Variants in AIF1 observed in about 807,000 individuals in gnomAD.
AIF1 encodes the protein allograft inflammatory factor 1, also known as interferon gamma responsive transcript.
AIF1 carries 21 observed loss-of-function variants against 20.6 expected under a neutral mutation model. The observed-to-expected ratio is 1.02, with a 90% confidence interval of 0.72 to 1.47. The LOEUF is 1.47. Ranked by LOEUF, AIF1 falls within the 40% of genes most tolerant of loss-of-function variation. The pLI, the probability that AIF1 is intolerant of heterozygous loss-of-function variation, is 0.00. For missense variants in AIF1, 161 were observed against 170.5 expected (o/e 0.94, Z 0.31); for synonymous variants, 52 against 65.8 (o/e 0.79, Z 1.01).
chr6:31,616,183 C>T lies in AIF1; in HGVS notation c.196+38C>T. The stretch of plus-strand genomic sequence containing the variant: ...TGATTTGCGGGGGCAGGGTGGTGTG[C>T]AGGCCTAAGAAGACAGAGGTCTCTC... On this transcript the variant is annotated intron_variant, in intron 4 of 5. Transcript: ENST00000376059. This position sits in a 1 kb window ranked among gnomAD's most constrained non-coding sequence, Gnocchi z 4.0. 1 of 1,612,916 alleles carries T rather than the reference C, an allele frequency of 6.2e-7. No homozygotes were observed. The highest frequency in any genetic ancestry group is 8.5e-7 in the Non-Finnish European group (1 of 1,179,766).
At position 31,616,452 on chromosome 6, in the gene AIF1, G is replaced by C. The variant is rs1774379054; in HGVS notation, c.305G>C (p.Ser102Thr). Residue 102 changes from serine to threonine, a missense_variant, in exon 5 of 6, where the codon AGC becomes ACC. Ser to Thr is a moderately conservative substitution (Grantham distance 58). Coordinates refer to ENST00000376059, the MANE Select transcript of AIF1 (RefSeq NM_001623.5). The surrounding 1 kb of genome is among the most constrained non-coding windows in gnomAD (Gnocchi z 4.0). ...TCCAGTGGCTCCGGGGAGACGTTCA[G>C]CTACCCTGACTTTCTCAGGATGATG... is the stretch of plus-strand genomic sequence containing the variant. The part of the protein sequence containing the change: ...EVSSGSGETF[S>T]YPDFLRMMLG... 2 of 1,612,890 alleles carry C rather than the reference G, an allele frequency of 1.2e-6. No homozygotes were observed. Among genetic ancestry groups the C allele is most frequent in the East Asian group, 2.2e-5 (1 of 44,888 alleles).
At position 31,615,708 on chromosome 6, in the gene AIF1, T is replaced by A; in HGVS notation, c.126T>A (p.Asp42Glu). The change falls in exon 3 of 6, where the codon GAT becomes GAA. Residue 42 changes from aspartate to glutamate, a missense_variant. Transcript: ENST00000376059. ...ATCCCAAATATAGCAGTGATGAGGA[T>A]CTGCCCTCCAAACTGGAAGGCTTCA... ...LDDPKYSSDE[D>E]LPSKLEGFKE... 6.2e-7 allele frequency: 1 copy of A among 1,611,970 alleles called. No individual in the cohort carries two copies. Among genetic ancestry groups the A allele is most frequent in the Non-Finnish European group, 8.5e-7 (1 of 1,179,318 alleles).
chr6:31,615,559 G>T lies in AIF1; in HGVS notation c.64G>T (p.Glu22Ter). Residue 22 changes from glutamate (E) to a stop codon, truncating the protein, a stop_gained, in exon 2 of 6, where the codon GAG becomes TAG. Coordinates refer to ENST00000376059, the MANE Select transcript of AIF1 (RefSeq NM_001623.5). LOFTEE classifies it high-confidence loss of function. ...CGGACTGCTGAAGGCCCAGCAGGAA[G>T]AGAGGCTGGATGAGATCAACAAGGT... ...AFGLLKAQQE[E>*]RLDEINKQFL... is the part of the protein sequence containing the mutation. 6.2e-7 allele frequency: 1 copy of T among 1,613,904 alleles called. No homozygotes were observed. Among genetic ancestry groups the T allele is most frequent in the Non-Finnish European group, 8.5e-7 (1 of 1,179,994 alleles).
chr6:31,616,616 C>T lies in AIF1; in HGVS notation c.359+110C>T, dbSNP rs1774397382. On this transcript the variant is annotated intron_variant, in intron 5 of 5. Transcript: ENST00000376059. The surrounding 1 kb of genome is among the most constrained non-coding windows in gnomAD (Gnocchi z 4.0). ...ACACGTTGCCCATCATCCCTTCTTC[C>T]ATCCTTAGAGGGACCCTTCCAAGGT... 1.3e-6 allele frequency: 2 copies of T among 1,503,664 alleles called. No individual in the cohort carries two copies. The highest frequency in any genetic ancestry group is 1.4e-5 in the African/African-American group (1 of 71,656). The allele number at this position is 1,503,664 out of a possible 1,614,324, so 93.1% of individuals were successfully genotyped here. A position where few individuals can be genotyped will look rare whatever the true frequency, so the allele number is the denominator to read the frequency against.
In AIF1 at chr6:31,616,227, A is replaced by G; in HGVS notation, c.196+82A>G. On this transcript the variant is annotated intron_variant, in intron 4 of 5. Coordinates refer to ENST00000376059, the MANE Select transcript of AIF1 (RefSeq NM_001623.5). This position sits in a 1 kb window ranked among gnomAD's most constrained non-coding sequence, Gnocchi z 4.0. ...GTCTCTCCTACATGCTCCATTCCTC[A>G]TGATTTGGGAGGGGGCCCACCTACC... 1 of 1,613,118 alleles carries G rather than the reference A, an allele frequency of 6.2e-7. No homozygotes were observed. Among genetic ancestry groups the G allele is most frequent in the South Asian group, 1.1e-5 (1 of 91,064 alleles).
intron 3 of AIF1, 170 bp downstream of exon 3, chr6:31,615,906 C>T: frequency 6.8e-7 from 1 of 1,479,286 alleles, no homozygotes; most frequent in Non-Finnish European, 9.0e-7. Context: ...CCCGGGCCTG[C>T]CTCTCTCAGC....
At position 31,616,913 on chromosome 6, in the gene AIF1, A is replaced by G; in HGVS notation, c.*13A>G. 6.2e-7 allele frequency: 1 copy of G among 1,614,190 alleles called. No homozygotes were observed. Among genetic ancestry groups the G allele is most frequent in the Non-Finnish European group, 8.5e-7 (1 of 1,180,010 alleles). On this transcript the variant is annotated 3_prime_UTR_variant, in exon 6 of 6. Transcript: ENST00000376059. This position sits in a 1 kb window ranked among gnomAD's most constrained non-coding sequence, Gnocchi z 4.0. Reference sequence around the variant, plus strand: ...TGAGTTGCCCTGATTTGAAGGGAAAAGGGATGATGGGATTGAAGGGGCTTC... The same window carrying G: ...TGAGTTGCCCTGATTTGAAGGGAAAGGGGATGATGGGATTGAAGGGGCTTC...
chr6:31,616,139 G>C lies in AIF1; in HGVS notation c.190G>C (p.Asp64His), dbSNP rs756309139. 35 of 1,607,702 alleles carry C rather than the reference G, an allele frequency of 2.2e-5. No individual in the cohort carries two copies. The highest frequency in any genetic ancestry group is 2.9e-5 in the Non-Finnish European group (34 of 1,176,836). The change falls in exon 4 of 6, where the codon GAT becomes CAT. Residue 64 changes from aspartate to histidine, a missense_variant. Asp to His is a moderately conservative substitution (Grantham distance 81). Coordinates refer to ENST00000376059, the MANE Select transcript of AIF1 (RefSeq NM_001623.5). The surrounding 1 kb of genome is among the most constrained non-coding windows in gnomAD (Gnocchi z 4.0). ...YMEFDLNGNGDIDIMSLKRML... is the reference protein window; with the variant it reads ...YMEFDLNGNGHIDIMSLKRML... ...GGAGTTTGACCTTAATGGAAATGGC[G>C]ATATTGGTGAGAAACGGGTGATTTG...
Position 31,615,525 on chromosome 6 carries a change from A to G in AIF1, c.30A>G (p.Gly10=). Residue 10 remains glycine, a synonymous_variant, in exon 2 of 6, where the codon GGA becomes GGG. Transcript: ENST00000376059. ...TTAATTTTTTTCACCCCACAGGAGG[A>G]AAAGCTTTCGGACTGCTGAAGGCCC... is the stretch of plus-strand genomic sequence containing the variant. MSQTRDLQG[G]KAFGLLKAQQ... The G allele has an allele frequency of 6.2e-7, 1 of 1,613,728 alleles. No individual in the cohort carries two copies. Among genetic ancestry groups the G allele is most frequent in the Middle Eastern group, 1.7e-4 (1 of 5,918 alleles).
chr6:31,616,902 T>A lies in AIF1; in HGVS notation c.*2T>A. The A allele has an allele frequency of 6.2e-7, 1 of 1,614,060 alleles. No individual in the cohort carries two copies. The highest frequency in any genetic ancestry group is 8.5e-7 in the Non-Finnish European group (1 of 1,180,004). ...AAAGCTATCTCTGAGTTGCCCTGAT[T>A]TGAAGGGAAAAGGGATGATGGGATT... On this transcript the variant is annotated 3_prime_UTR_variant, in exon 6 of 6. Transcript: ENST00000376059. This position sits in a 1 kb window ranked among gnomAD's most constrained non-coding sequence, Gnocchi z 4.0.
At position 31,616,712 on chromosome 6, in the gene AIF1, C is replaced by T; in HGVS notation, c.360-104C>T. On this transcript the variant is annotated intron_variant, in intron 5 of 5. Transcript: ENST00000376059. This position sits in a 1 kb window ranked among gnomAD's most constrained non-coding sequence, Gnocchi z 4.0. The stretch of plus-strand genomic sequence containing the variant: ...CCCCTGCCCTTCCTCTTCCCCCTTC[C>T]ACCCTCACATCCCCATCCCCTTCTA... 1 of 1,561,664 alleles carries T rather than the reference C, an allele frequency of 6.4e-7. No individual in the cohort carries two copies. Among genetic ancestry groups the T allele is most frequent in the Non-Finnish European group, 8.7e-7 (1 of 1,151,362 alleles).
At chr6:31,615,409 C>T in intron 1 of AIF1, 55 bp downstream of exon 1, 1 of 1,613,348 alleles carries the variant, frequency 6.2e-7, no homozygotes, top group South Asian at 1.1e-5. Context: ...GATGGACAGA[C>T]CTGGGCTGTG....
Position 31,616,935 on chromosome 6 carries a change from C to A in AIF1, c.*35C>A. The A allele has an allele frequency of 1.2e-6, 2 of 1,613,392 alleles. No homozygotes were observed. The highest frequency in any genetic ancestry group is 1.3e-5 in the African/African-American group (1 of 74,976). ...AAAAGGGATGATGGGATTGAAGGGG[C>A]TTCTAATGACCCAGATATGGAAACA... On this transcript the variant is annotated 3_prime_UTR_variant, in exon 6 of 6. Coordinates refer to ENST00000376059, the MANE Select transcript of AIF1 (RefSeq NM_001623.5). This position sits in a 1 kb window ranked among gnomAD's most constrained non-coding sequence, Gnocchi z 4.0.
chr6:31,615,397 G>A, intron 1 of AIF1, 43 bp downstream of exon 1: 1 of 1,613,548 alleles, frequency 6.2e-7, no homozygotes, highest in Non-Finnish European at 8.5e-7. Flanking sequence ...TCGGAGGAAT[G>A]AGATGGACAG....
In AIF1 at chr6:31,617,002, T is replaced by C; in HGVS notation, c.*102T>C. 6.7e-7 allele frequency: 1 copy of C among 1,489,598 alleles called. No homozygotes were observed. Among genetic ancestry groups the C allele is most frequent in the South Asian group, 1.2e-5 (1 of 82,442 alleles). 92.3% of individuals were successfully genotyped at this position (1,489,598 alleles called of 1,614,324 possible). A position where few individuals can be genotyped will look rare whatever the true frequency, so the allele number is the denominator to read the frequency against. On this transcript the variant is annotated 3_prime_UTR_variant, in exon 6 of 6. Coordinates refer to ENST00000376059, the MANE Select transcript of AIF1 (RefSeq NM_001623.5). ...GCCAGAGTCAACAAATTAAATAAAT[T>C]ACCCCCTCCTCCAGATCAAGTCAGC...
chr6:31,616,947 C>A lies in AIF1; in HGVS notation c.*47C>A. 1 of 1,610,484 alleles carries A rather than the reference C, an allele frequency of 6.2e-7. No individual in the cohort carries two copies. The highest frequency in any genetic ancestry group is 1.1e-5 in the South Asian group (1 of 90,640). ...GGGATTGAAGGGGCTTCTAATGACC[C>A]AGATATGGAAACAGAAGACAAAATT... On this transcript the variant is annotated 3_prime_UTR_variant, in exon 6 of 6. Coordinates refer to ENST00000376059, the MANE Select transcript of AIF1 (RefSeq NM_001623.5). This position sits in a 1 kb window ranked among gnomAD's most constrained non-coding sequence, Gnocchi z 4.0.
Position 31,617,008 on chromosome 6 carries a change from C to T in AIF1, c.*108C>T, listed in dbSNP as rs2150462833. ...GTCAACAAATTAAATAAATTACCCC[C>T]TCCTCCAGATCAAGTCAGCTTAGTT... On this transcript the variant is annotated 3_prime_UTR_variant, in exon 6 of 6. Coordinates refer to ENST00000376059, the MANE Select transcript of AIF1 (RefSeq NM_001623.5). 8.2e-6 allele frequency: 12 copies of T among 1,466,574 alleles called. No homozygotes were observed. The highest frequency in any genetic ancestry group is 1.1e-5 in the Non-Finnish European group (12 of 1,076,722). The allele number at this position is 1,466,574 out of a possible 1,614,324, so 90.8% of individuals were successfully genotyped here.
At position 31,616,050 on chromosome 6, in the gene AIF1, T is replaced by G. The variant is rs2259571; in HGVS notation, c.155-54T>G. The G allele has an allele frequency of 0.35, 540,089 of 1,526,882 alleles. 101,604 individuals are homozygous for G. The highest frequency in any genetic ancestry group is 0.56 in the East Asian group (24,846 of 44,118). 94.6% of individuals were successfully genotyped at this position (1,526,882 alleles called of 1,614,324 possible). A position where few individuals can be genotyped will look rare whatever the true frequency, so the allele number is the denominator to read the frequency against. ...GTTGGCAACCCCTTCCTCAGTCCCC[T>G]GCTGAAAACCCTCCAGTCAGCGCTT... is the stretch of plus-strand genomic sequence containing the variant. On this transcript the variant is annotated intron_variant, in intron 3 of 5. Transcript: ENST00000376059. This position sits in a 1 kb window ranked among gnomAD's most constrained non-coding sequence, Gnocchi z 4.0.
At position 31,615,284 on chromosome 6, in the gene AIF1, C is replaced by T. The variant is rs1206302303; in HGVS notation, c.-46C>T. Reference sequence around the variant, plus strand: ...AGAAGGAGAGCCTGCAGACAGAGGCCTCCAGCTTGGTCTGTCTCCCCACCT... The same window carrying T: ...AGAAGGAGAGCCTGCAGACAGAGGCTTCCAGCTTGGTCTGTCTCCCCACCT... On this transcript the variant is annotated 5_prime_UTR_variant, in exon 1 of 6. Transcript: ENST00000376059. 2 of 1,613,586 alleles carry T rather than the reference C, an allele frequency of 1.2e-6. No individual in the cohort carries two copies. The highest frequency in any genetic ancestry group is 2.7e-5 in the African/African-American group (2 of 74,834).
Sources: gnomAD v4.1 joint callset for allele counts on GRCh38, gnomAD v4.1.1 for gene constraint, Gnocchi (gnomAD v3.1) non-coding constraint, MANE v1.5 for transcripts, NCBI Gene and HGNC (gene_info 2026-07-23, HGNC 2026-07-21) for gene names.